Variants in PTDSS1 observed in about 807,000 individuals in gnomAD.
PTDSS1 encodes the protein phosphatidylserine synthase 1.
Under a neutral mutation model 70.5 loss-of-function variants are expected in PTDSS1, and 45 were observed. The observed-to-expected ratio is 0.64, with a 90% CI of 0.50 to 0.82. The LOEUF is 0.82. PTDSS1 is among the 40% of genes least tolerant of loss of function. The probability of loss-of-function intolerance (pLI) is 0.00; values close to 1 mark genes in which losing one functional copy is unlikely to be tolerated. For synonymous variants in PTDSS1, 188 were observed against 203.8 expected, an observed-to-expected ratio of 0.92 and a Z score of 0.66; for missense variants, 417 against 586.1, an observed-to-expected ratio of 0.71 and a Z score of 2.98.
At chr8:96,283,977 GAAA>G (rs56658341) in intron 2 of PTDSS1, 129 bp from the exon 3 acceptor site, 7 of 535,486 alleles carry the variant, frequency 1.3e-5, no homozygotes, top group Non-Finnish European at 2.2e-5. Flanking sequence ...TGTTTATGTA[GAAA>G]AAAAAAAAAA....
Position 96,275,824 on chromosome 8 carries a change from C to G in PTDSS1, c.271+2434C>G, listed in dbSNP as rs556348573. On this transcript the variant is annotated intron_variant, in intron 2 of 12. Coordinates refer to ENST00000517309, the MANE Select transcript of PTDSS1 (RefSeq NM_014754.3). ...CCCTCAGCCATTCTACCTTCTGTAT[C>G]CCGTGATCTGCTGCCTTCTTCTTTG... 1.3e-4 allele frequency among the ~76,000 whole-genome samples: 20 copies of G among 152,302 alleles called. No individual in the cohort carries two copies. In the South Asian group the frequency reaches 3.9e-3, roughly 30 times the overall value.
rs544231380 is a variant in PTDSS1 at position 96,334,752 on chromosome 8, A to G, written c.*1186A>G. 1.3e-5 allele frequency: 2 copies of G among 152,356 alleles called. No homozygotes were observed. Among genetic ancestry groups the G allele is most frequent in the Non-Finnish European group, 2.9e-5 (2 of 68,026 alleles). 9.4% of individuals were successfully genotyped at this position (152,356 alleles called of 1,614,324 possible). A position where few individuals can be genotyped will look rare whatever the true frequency, so the allele number is the denominator to read the frequency against. ...TAGACTACCCAAGTGACCAACAGGA[A>G]TGAACAACATAGTCATTGTTTTTTC... On this transcript the variant is annotated 3_prime_UTR_variant, in exon 13 of 13. Transcript: ENST00000517309.
intron 9 of PTDSS1, among the ~76,000 whole-genome samples, chr8:96,317,909 G>GGGTA (rs1554585832): frequency 8.6e-6 from 1 of 116,940 alleles, no homozygotes; most frequent in Admixed American, 8.1e-5. Flanking sequence ...GTGTGTGTGT[G>GGGTA]TGTGTGTGTG....
chr8:96,287,483 T>C (rs1810840429), intron 4 of PTDSS1: 1 of 245,128 alleles, frequency 4.1e-6, no homozygotes, highest in African/African-American at 2.3e-5. Context: ...TAAGTTGACA[T>C]AGTAATACTT....
chr8:96,288,958 G>A (rs969265131), intron 4 of PTDSS1, among the ~76,000 whole-genome samples: 8 of 149,560 alleles, frequency 5.3e-5, no homozygotes, highest in Admixed American at 1.3e-4. Flanking sequence ...TTTCCAAGAC[G>A]GAGTCTCGCT....
At chr8:96,284,064 T>C (rs1213739173) in intron 2 of PTDSS1, 45 bp from the exon 3 acceptor site, 1 of 1,520,258 alleles carries the variant, frequency 6.6e-7, no homozygotes, top group South Asian at 1.2e-5. Context: ...TTTAGCCTTC[T>C]CTGAAACCAG....
intron 6 of PTDSS1, among the ~76,000 whole-genome samples, chr8:96,302,870 C>T (rs965401475): frequency 3.9e-5 from 6 of 152,136 alleles, no homozygotes; most frequent in Admixed American, 2.0e-4. Flanking sequence ...GCATGAGCCA[C>T]CATGCCTGGC....
At chr8:96,278,877 T>C (rs1175189007) in intron 2 of PTDSS1, among the ~76,000 whole-genome samples, 4 of 152,110 alleles carry the variant, frequency 2.6e-5, no homozygotes, top group African/African-American at 9.7e-5. Flanking sequence ...GAATATATGC[T>C]GAATTAAATA....
chr8:96,318,927 T>C (rs1166207644), intron 9 of PTDSS1, among the ~76,000 whole-genome samples: 2 of 140,864 alleles, frequency 1.4e-5, no homozygotes, highest in Non-Finnish European at 3.0e-5. Flanking sequence ...TTTTTTTTTT[T>C]TGAGGCAGAG....
At chr8:96,280,670 C>A (rs955434861) in intron 2 of PTDSS1, among the ~76,000 whole-genome samples, 1 of 152,130 alleles carries the variant, frequency 6.6e-6, no homozygotes, top group African/African-American at 2.4e-5. Context: ...CAAAACCCAG[C>A]GTTCGTTGCT....
Position 96,331,100 on chromosome 8 carries a change from CT to C in PTDSS1, c.1312+7del. Reference sequence around the variant, plus strand: ...ATCACAGGAAAGGGACAAAAGGTATCTTGTTCTTGTTCGTTGTTTAAAATTT... The same window carrying C: ...ATCACAGGAAAGGGACAAAAGGTATCTGTTCTTGTTCGTTGTTTAAAATTT... On this transcript the variant is annotated splice_donor_region_variant and intron_variant, in intron 12 of 12. Transcript: ENST00000517309. 1 of 604,538 alleles carries C rather than the reference CT, an allele frequency of 1.7e-6. No individual in the cohort carries two copies. The highest frequency in any genetic ancestry group is 2.5e-6 in the Non-Finnish European group (1 of 394,244). The allele number at this position is 604,538 out of a possible 1,614,324, so 37.4% of individuals were successfully genotyped here.
chr8:96,307,313 A>G (rs898290515), intron 8 of PTDSS1, among the ~76,000 whole-genome samples: 1 of 152,102 alleles, frequency 6.6e-6, no homozygotes, highest in South Asian at 2.1e-4. Flanking sequence ...AAGCTGTAAG[A>G]TTGTTTATTT....
chr8:96,269,904 C>G (rs935563998), intron 1 of PTDSS1, among the ~76,000 whole-genome samples: 1 of 152,212 alleles, frequency 6.6e-6, no homozygotes, highest in Non-Finnish European at 1.5e-5. Context: ...GGCATTCAAA[C>G]GTTGTGAACT....
chr8:96,273,614 G>T (rs10100387), intron 2 of PTDSS1, among the ~76,000 whole-genome samples: 1 of 152,096 alleles, frequency 6.6e-6, no homozygotes, highest in Non-Finnish European at 1.5e-5. Context: ...AAAATGGAGA[G>T]AGCAGACAGG....
chr8:96,329,156 G>A (rs536097344), intron 10 of PTDSS1, among the ~76,000 whole-genome samples: 35 of 152,288 alleles, frequency 2.3e-4, no homozygotes, highest in African/African-American at 7.7e-4. Context: ...CCCCACAGTT[G>A]GTGCAAGATG....
chr8:96,269,516 A>T lies in PTDSS1; in HGVS notation c.180-3783A>T, dbSNP rs138678912. ...TTTGTTGTTGCTGTGAACAAGCAAC[A>T]TGTCTTAGTTGAGCAAGTACCCTTA... On this transcript the variant is annotated intron_variant, in intron 1 of 12. Transcript: ENST00000517309. Among the ~76,000 whole-genome samples the T allele has an allele frequency of 3.3e-5, 5 of 152,324 alleles. No homozygotes were observed. The East Asian group carries it at 9.7e-4, about 29-fold the overall frequency.
chr8:96,275,385 T>C (rs1046656335), intron 2 of PTDSS1, among the ~76,000 whole-genome samples: 1 of 152,212 alleles, frequency 6.6e-6, no homozygotes, highest in African/African-American at 2.4e-5. Context: ...GGTCTTAAAC[T>C]CTTGGCATCA....
intron 7 of PTDSS1, among the ~76,000 whole-genome samples, chr8:96,305,752 C>G (rs1811113449): frequency 6.6e-6 from 1 of 152,028 alleles, no homozygotes; most frequent in Non-Finnish European, 1.5e-5. Flanking sequence ...GTGATCTCGG[C>G]CCACTGCAAC....
intron 8 of PTDSS1, among the ~76,000 whole-genome samples, chr8:96,308,152 T>C (rs1811155209): frequency 6.6e-6 from 1 of 152,234 alleles, no homozygotes; most frequent in African/African-American, 2.4e-5. Context: ...CATCTCCAGC[T>C]TCTTCCTTTT....
Sources: gnomAD v4.1 joint callset for allele counts (sites outside exome capture counted in the v4.1 genomes callset) on GRCh38, gnomAD v4.1.1 for gene constraint, MANE v1.5 for transcripts, NCBI Gene and HGNC (gene_info 2026-07-23, HGNC 2026-07-21) for gene names.